Variants in SH2D4A observed in about 807,000 individuals in gnomAD.
The protein encoded by SH2D4A is SH2 domain containing 4A, also known as SH2 domain-containing protein 4A.
A neutral mutation model predicts 64.7 loss-of-function variants in SH2D4A; 70 were observed. The ratio of observed to expected loss-of-function variants is 1.08; its 90% CI spans 0.89 to 1.32. The LOEUF (loss-of-function observed/expected upper bound fraction) is 1.32. Ranked by LOEUF, SH2D4A falls within the 40% of genes most tolerant of loss-of-function variation. The probability of loss-of-function intolerance (pLI) is 0.00; values close to 1 mark genes in which losing one functional copy is unlikely to be tolerated. For missense variants in SH2D4A, 706 were observed against 540.1 expected (o/e 1.31, Z -3.04); for synonymous variants, 268 against 200.7 (o/e 1.34, Z -2.83).
At chr8:19,372,444 C>T (rs2053118168) in intron 7 of SH2D4A, among the ~76,000 whole-genome samples, 1 of 152,140 alleles carries the variant, frequency 6.6e-6, no homozygotes, top group Non-Finnish European at 1.5e-5. Flanking sequence ...CCTAGTGCAT[C>T]CCTGCAGGGA....
At chr8:19,328,340 T>C (rs564099187) in intron 2 of SH2D4A, among the ~76,000 whole-genome samples, 3 of 152,078 alleles carry the variant, frequency 2.0e-5, no homozygotes, top group Admixed American at 2.0e-4. Context: ...AATAACGTAG[T>C]CTACGCTTCC....
intron 1 of SH2D4A, among the ~76,000 whole-genome samples, chr8:19,318,554 A>G (rs558732519): frequency 6.6e-6 from 1 of 152,336 alleles, no homozygotes; most frequent in South Asian, 2.1e-4. Context: ...GTAAAGTCAT[A>G]TAAATGAAGG....
chr8:19,328,109 C>T (rs2052311484), intron 2 of SH2D4A, among the ~76,000 whole-genome samples: 1 of 152,144 alleles, frequency 6.6e-6, no homozygotes, highest in African/African-American at 2.4e-5. Flanking sequence ...TCTCTTTTCC[C>T]TCCCCTTTCT....
At chr8:19,315,051 G>T (rs764699932) in intron 1 of SH2D4A, among the ~76,000 whole-genome samples, 5 of 146,648 alleles carry the variant, frequency 3.4e-5, no homozygotes, top group Non-Finnish European at 7.5e-5. Flanking sequence ...TTAGGTCGGT[G>T]CAAAAGTAAT....
intron 8 of SH2D4A, among the ~76,000 whole-genome samples, chr8:19,389,908 C>T (rs2053459994): frequency 1.3e-5 from 2 of 152,150 alleles, no homozygotes; most frequent in Non-Finnish European, 1.5e-5. Context: ...TTTTCTCTAG[C>T]ACAGAAATCC....
intron 4 of SH2D4A, among the ~76,000 whole-genome samples, chr8:19,347,762 G>A (rs955250659): frequency 5.9e-5 from 9 of 152,046 alleles, no homozygotes; most frequent in Admixed American, 2.6e-4. Context: ...AGTATTACAC[G>A]CACAAAAAAA....
intron 8 of SH2D4A, chr8:19,375,097 G>T (rs1241146838): frequency 6.6e-6 from 1 of 152,084 alleles, no homozygotes; most frequent in East Asian, 1.9e-4. Flanking sequence ...AAATCGAGTT[G>T]GAGGTTTGGT....
chr8:19,381,639 CTTTTA>C (rs2053294854), intron 8 of SH2D4A, among the ~76,000 whole-genome samples: 1 of 152,072 alleles, frequency 6.6e-6, no homozygotes, highest in Non-Finnish European at 1.5e-5. Context: ...ATTTGAATAC[CTTTTA>C]TTTATTTTAT....
At chr8:19,358,997 A>T (rs2052837548) in intron 5 of SH2D4A, among the ~76,000 whole-genome samples, 1 of 152,232 alleles carries the variant, frequency 6.6e-6, no homozygotes, top group South Asian at 2.1e-4. Flanking sequence ...CCTGGCTGAC[A>T]GTCCTGAGTC....
intron 8 of SH2D4A, among the ~76,000 whole-genome samples, chr8:19,390,441 T>C (rs1209407464): frequency 6.6e-6 from 1 of 152,168 alleles, no homozygotes; most frequent in Non-Finnish European, 1.5e-5. Context: ...TGCTCAAGAA[T>C]TCCCTATCCC....
chr8:19,322,785 C>T (rs892009378), intron 2 of SH2D4A, among the ~76,000 whole-genome samples: 27 of 151,872 alleles, frequency 1.8e-4, no homozygotes, highest in African/African-American at 6.5e-4. Flanking sequence ...ATTCTCCTGC[C>T]TCAGCCTCCT....
intron 8 of SH2D4A, among the ~76,000 whole-genome samples, chr8:19,389,134 G>A (rs2053440562): frequency 6.6e-6 from 1 of 152,212 alleles, no homozygotes; most frequent in South Asian, 2.1e-4. Context: ...CTTGCAGAGT[G>A]AGTAGGAGTT....
At chr8:19,386,004 T>C (rs561879606) in intron 8 of SH2D4A, among the ~76,000 whole-genome samples, 83 of 152,318 alleles carry the variant, frequency 5.4e-4, no homozygotes, top group African/African-American at 1.9e-3. Context: ...ATGACACATA[T>C]ATCCTGCCTC....
chr8:19,357,132 C>T (rs1436026937), intron 4 of SH2D4A, 71 bp from the exon 5 acceptor site: 2 of 1,249,500 alleles, frequency 1.6e-6, no homozygotes, highest in East Asian at 2.3e-5. Flanking sequence ...ACCAGGGAAA[C>T]ATTGACAGAT....
chr8:19,393,098 A>C (rs919735000), intron 8 of SH2D4A, among the ~76,000 whole-genome samples: 1 of 152,186 alleles, frequency 6.6e-6, no homozygotes, highest in African/African-American at 2.4e-5. Flanking sequence ...ACCTCTATAC[A>C]TGATTTTTAT....
At chr8:19,372,359 A>G (rs896377967) in intron 7 of SH2D4A, among the ~76,000 whole-genome samples, 1 of 152,170 alleles carries the variant, frequency 6.6e-6, no homozygotes, top group Non-Finnish European at 1.5e-5. Flanking sequence ...CAAGGAGGGT[A>G]CAGGGGCTGT....
intron 7 of SH2D4A, among the ~76,000 whole-genome samples, chr8:19,366,691 C>G (rs977228618): frequency 1.3e-5 from 2 of 152,134 alleles, no homozygotes; most frequent in Non-Finnish European, 2.9e-5. Context: ...ACACTGGAGG[C>G]TGAGGCAGGA....
At chr8:19,363,512 G>T (rs1411005353) in intron 6 of SH2D4A, among the ~76,000 whole-genome samples, 2 of 152,070 alleles carry the variant, frequency 1.3e-5, no homozygotes, top group East Asian at 1.9e-4. Context: ...ACTTTTTTGT[G>T]TACTAATGTG....
At chr8:19,358,708 C>G (rs10089751) in intron 5 of SH2D4A, among the ~76,000 whole-genome samples, 40,001 of 151,890 alleles carry the variant, frequency 0.26, 6,451 homozygotes, top group African/African-American at 0.46. Flanking sequence ...GAGGCATCCT[C>G]CTTTGGGGAC....
Sources: gnomAD v4.1 joint callset for allele counts (sites outside exome capture counted in the v4.1 genomes callset) on GRCh38, gnomAD v4.1.1 for gene constraint, MANE v1.5 for transcripts, NCBI Gene and HGNC (gene_info 2026-07-23, HGNC 2026-07-21) for gene names.